HDAC4: variants seen among roughly 807,000 people sequenced by gnomAD.
HDAC4 encodes the protein histone deacetylase A.
A neutral mutation model predicts 135.1 loss-of-function variants in HDAC4; 16 were observed. That is an observed-to-expected ratio of 0.12 (90% CI 0.08 to 0.18). The LOEUF is 0.18. HDAC4 is among the 10% of genes least tolerant of loss of function. The pLI is 1.00. For synonymous variants in HDAC4, 685 were observed against 653.4 expected, an observed-to-expected ratio of 1.05 and a Z score of -0.74; for missense variants, 1,143 against 1,511.8, an observed-to-expected ratio of 0.76 and a Z score of 4.05.
At chr2:239,080,662 G>A (rs1377104136) in intron 22 of HDAC4, among the ~76,000 whole-genome samples, 1 of 152,216 alleles carries the variant, frequency 6.6e-6, no homozygotes, top group African/African-American at 2.4e-5. Context: ...GGCGACAACT[G>A]CCTTTGATTT....
intron 24 of HDAC4, among the ~76,000 whole-genome samples, chr2:239,062,597 TA>T (rs1273820867): frequency 1.3e-5 from 2 of 152,230 alleles, no homozygotes; most frequent in Non-Finnish European, 2.9e-5. Context: ...TATTGTTATT[TA>T]AAATAACTAG....
chr2:239,096,779 CACAG>C (rs1230827655), intron 16 of HDAC4, among the ~76,000 whole-genome samples: 1 of 150,898 alleles, frequency 6.6e-6, no homozygotes, highest in Non-Finnish European at 1.5e-5. Context: ...CCACATGTCC[CACAG>C]ACAGCCACAG....
At position 239,156,759 on chromosome 2, in the gene HDAC4, C is replaced by T; in HGVS notation, c.626G>A (p.Ser209Asn). 6.2e-7 allele frequency: 1 copy of T among 1,614,172 alleles called. No individual in the cohort carries two copies. ...GGGTGGAGAACTCTGGTCAAGGGAA[C>T]TGTGCTGCGTTTTCCTGGAGAGAAG... The part of the protein sequence containing the change: ...PRYWYGKTQH[S>N]SLDQSSPPQS... Residue 209 changes from serine to asparagine, a missense_variant, in exon 7 of 27, where the codon AGT becomes AAT. Ser to Asn is a conservative substitution (Grantham distance 46, BLOSUM62 1). Transcript: ENST00000543185.
intron 13 of HDAC4, 96 bp downstream of exon 13, chr2:239,114,956 GC>G: frequency 7.0e-7 from 1 of 1,429,158 alleles, no homozygotes; most frequent in Non-Finnish European, 9.6e-7. Flanking sequence ...GCGCAAGGAT[GC>G]CCTGCAGCCC....
At chr2:239,355,406 A>C (rs1293643181) in intron 1 of HDAC4, among the ~76,000 whole-genome samples, 6 of 152,114 alleles carry the variant, frequency 3.9e-5, no homozygotes, top group Admixed American at 2.0e-4. Flanking sequence ...ATTTTCCACA[A>C]TATCCATTTT....
Position 239,381,991 on chromosome 2 carries a change from G to A in HDAC4, c.-220+18987C>T, listed in dbSNP as rs886281820. Among the ~76,000 whole-genome samples, 8 of 152,354 alleles carry A rather than the reference G, an allele frequency of 5.3e-5. No individual in the cohort carries two copies. The South Asian group carries it at 1.0e-3, about 20-fold the overall frequency. On this transcript the variant is annotated intron_variant, in intron 1 of 26. Coordinates refer to ENST00000543185, the MANE Select transcript of HDAC4 (RefSeq NM_001378414.1). Reference sequence around the variant, plus strand: ...GGGCTTTGGAAGCCAGGGCAACACAGTCCCAGTTGCTCAGGCCCCCAAAGC... The same window carrying A: ...GGGCTTTGGAAGCCAGGGCAACACAATCCCAGTTGCTCAGGCCCCCAAAGC...
intron 3 of HDAC4, among the ~76,000 whole-genome samples, chr2:239,231,893 C>T (rs1029051790): frequency 6.8e-5 from 10 of 146,488 alleles, no homozygotes; most frequent in African/African-American, 2.5e-4. Context: ...AGCACCTGCT[C>T]CCGGATGCCT....
intron 2 of HDAC4, among the ~76,000 whole-genome samples, chr2:239,293,019 T>C (rs1488504542): frequency 6.6e-6 from 1 of 152,164 alleles, no homozygotes; most frequent in Non-Finnish European, 1.5e-5. Flanking sequence ...CCTATAGACA[T>C]GAAATGAGAC....
At position 239,068,221 on chromosome 2, in the gene HDAC4, C is replaced by T. The variant is rs1444422141; in HGVS notation, c.2869+268G>A. ...GAGGTGGCCTGCAGGTCCCTAGGCA[C>T]CCGCATCCCAGAGAGGGAGCCTCGT... On this transcript the variant is annotated intron_variant, in intron 23 of 26. Transcript: ENST00000543185. This position sits in a 1 kb window ranked among gnomAD's most constrained non-coding sequence, Gnocchi z 4.4. Among the ~76,000 whole-genome samples, 1 of 152,200 alleles carries T rather than the reference C, an allele frequency of 6.6e-6. No individual in the cohort carries two copies. Among genetic ancestry groups the T allele is most frequent in the Admixed American group, 6.5e-5 (1 of 15,290 alleles).
chr2:239,176,675 G>A (rs1356353946), intron 4 of HDAC4, 112 bp from the exon 5 acceptor site: 3 of 964,562 alleles, frequency 3.1e-6, no homozygotes, highest in East Asian at 2.6e-5. Context: ...CCCTGGTGTG[G>A]CCCTGGGCAC....
intron 1 of HDAC4, among the ~76,000 whole-genome samples, chr2:239,360,299 G>A (rs1693775823): frequency 6.6e-6 from 1 of 152,238 alleles, no homozygotes; most frequent in African/African-American, 2.4e-5. Flanking sequence ...AAGGCAGACA[G>A]ACGCCACAGA....
At chr2:239,075,583 G>T (rs2034661732) in intron 22 of HDAC4, among the ~76,000 whole-genome samples, 1 of 152,224 alleles carries the variant, frequency 6.6e-6, no homozygotes, top group South Asian at 2.1e-4. Context: ...ACGTACAGAG[G>T]GAAACGTGGT....
At chr2:239,065,061 G>A (rs1176711561) in intron 24 of HDAC4, among the ~76,000 whole-genome samples, 5 of 152,346 alleles carry the variant, frequency 3.3e-5, no homozygotes, top group South Asian at 2.1e-4. Flanking sequence ...GCCTCTGGGC[G>A]CTGCCCTTAG....
chr2:239,164,261 G>A (rs926330593), intron 5 of HDAC4, among the ~76,000 whole-genome samples: 1 of 152,274 alleles, frequency 6.6e-6, no homozygotes, highest in African/African-American at 2.4e-5. Context: ...GCAGCGTGGT[G>A]GTTGCATTCT....
chr2:239,270,053 T>A (rs976020266), intron 2 of HDAC4, among the ~76,000 whole-genome samples: 29 of 152,202 alleles, frequency 1.9e-4, no homozygotes, highest in Non-Finnish European at 3.1e-4. Flanking sequence ...TGCACGCAGG[T>A]GGCCCTTGAG....
intron 16 of HDAC4, among the ~76,000 whole-genome samples, chr2:239,097,490 C>T (rs545743313): frequency 3.9e-4 from 60 of 152,378 alleles, no homozygotes; most frequent in Admixed American, 5.2e-4. Context: ...ACAACATCAG[C>T]TAACACTTCT....
chr2:239,214,940 G>A (rs1467714375), intron 3 of HDAC4, among the ~76,000 whole-genome samples: 4 of 152,190 alleles, frequency 2.6e-5, no homozygotes, highest in Non-Finnish European at 4.4e-5. Flanking sequence ...CAAGTTTGCA[G>A]GGGAAGATCA....
chr2:239,117,181 G>A (rs921464798), intron 12 of HDAC4, among the ~76,000 whole-genome samples: 1 of 152,192 alleles, frequency 6.6e-6, no homozygotes, highest in Non-Finnish European at 1.5e-5. Flanking sequence ...CAGGGCTGCA[G>A]CGTGGAAGGC....
intron 2 of HDAC4, among the ~76,000 whole-genome samples, chr2:239,287,276 G>A (rs1219444915): frequency 2.6e-5 from 4 of 152,268 alleles, no homozygotes; most frequent in African/African-American, 4.8e-5. Flanking sequence ...CTTCGGCTGC[G>A]ACGGTTTCTC....
Sources: allele counts gnomAD v4.1 joint callset (sites outside exome capture counted in the v4.1 genomes callset), GRCh38; gene constraint gnomAD v4.1.1; non-coding constraint Gnocchi (gnomAD v3.1); transcripts MANE v1.5; gene names NCBI Gene and HGNC (gene_info 2026-07-23, HGNC 2026-07-21).